The following PTPN3 variants were observed in gnomAD, a reference collection of about 807,000 sequenced individuals.
PTPN3 encodes the protein protein tyrosine phosphatase non-receptor type 3.
Under a neutral mutation model 132.7 loss-of-function variants are expected in PTPN3, and 96 were observed. The ratio of observed to expected loss-of-function variants is 0.72; its 90% CI spans 0.61 to 0.86. The LOEUF is 0.86. Among genes scored for constraint, PTPN3 ranks in the 40% least tolerant of loss-of-function variants. PTPN3 has a pLI of 0.00. For synonymous variants in PTPN3, 398 were observed against 429.0 expected (o/e 0.93, Z 0.89); for missense variants, 1,125 against 1,159.6 (o/e 0.97, Z 0.43).
chr9:109,424,365 T>C (rs559354850), intron 12 of PTPN3, among the ~76,000 whole-genome samples: 2 of 152,290 alleles, frequency 1.3e-5, no homozygotes, highest in Non-Finnish European at 2.9e-5. Flanking sequence ...GCACAGGTAG[T>C]AAAAGAACTG....
In PTPN3 at chr9:109,379,511, G is replaced by A. The variant is rs749387857; in HGVS notation, c.*45C>T. 1.8e-5 allele frequency: 28 copies of A among 1,548,882 alleles called. No individual in the cohort carries two copies. Among genetic ancestry groups the A allele is most frequent in the African/African-American group, 4.1e-5 (3 of 73,366 alleles). ...AGAGAGGTCTGTCCTCCTCTTTCAA[G>A]GAGGATGCCCTTGGGAAAGAGGAAT... On this transcript the variant is annotated 3_prime_UTR_variant, in exon 26 of 26. Transcript: ENST00000374541.
chr9:109,419,452 G>T (rs534819397), intron 14 of PTPN3, among the ~76,000 whole-genome samples: 1 of 152,260 alleles, frequency 6.6e-6, no homozygotes, highest in African/African-American at 2.4e-5. Flanking sequence ...GAAATAGTAT[G>T]GGGCTTAACA....
In PTPN3 at chr9:109,438,181, T is replaced by A. The variant is rs772943029; in HGVS notation, c.520A>T (p.Ser174Cys). 1 of 1,613,500 alleles carries A rather than the reference T, an allele frequency of 6.2e-7. No individual in the cohort carries two copies. The highest frequency in any genetic ancestry group is 1.3e-5 in the African/African-American group (1 of 74,920). ...TCATTTTGATCGGGTATAAAGTGAC[T>A]ATCGGAAAGATAGCCTGGATGATGT... The part of the protein sequence containing the change: ...SIHHPGYLSD[S>C]HFIPDQNEDF... The change falls in exon 8 of 26, where the codon AGT (serine) becomes TGT (cysteine). Residue 174 changes from serine (S) to cysteine (C), a missense_variant. By Grantham distance (112) the Ser-to-Cys change is moderately radical (BLOSUM62 -1). Coordinates refer to ENST00000374541, the MANE Select transcript of PTPN3 (RefSeq NM_002829.4).
At chr9:109,382,647 A>G (rs1839208723) in intron 23 of PTPN3, among the ~76,000 whole-genome samples, 200 bp from the exon 24 acceptor site, 1 of 151,818 alleles carries the variant, frequency 6.6e-6, no homozygotes, top group Non-Finnish European at 1.5e-5. Flanking sequence ...CCTGTCCTGC[A>G]GGGCTGCCTT....
chr9:109,537,875 A>G, the PTPN3 span, among the ~76,000 whole-genome samples: 1 of 152,238 alleles, frequency 6.6e-6, no homozygotes, highest in African/African-American at 2.4e-5. Flanking sequence ...GTTTACACAG[A>G]TATCTGAATG....
chr9:109,386,182 G>C (rs923561083), intron 22 of PTPN3, among the ~76,000 whole-genome samples: 4 of 152,142 alleles, frequency 2.6e-5, no homozygotes, highest in African/African-American at 9.7e-5. Context: ...AAAGGGCTCG[G>C]GTCATCTGGT....
chr9:109,533,774 C>T, the PTPN3 span: 4 of 1,301,168 alleles, frequency 3.1e-6, no homozygotes, highest in African/African-American at 1.5e-5. Context: ...GCTGTAGGGC[C>T]GGCGTGGTTG....
chr9:109,512,349 C>T, the PTPN3 span, among the ~76,000 whole-genome samples: 5 of 152,324 alleles, frequency 3.3e-5, no homozygotes, highest in African/African-American at 4.8e-5. Flanking sequence ...GGCATTTTTG[C>T]TGGCCTAACC....
intron 12 of PTPN3, 118 bp from the exon 13 acceptor site, chr9:109,422,970 G>C (rs759648276): frequency 5.5e-5 from 71 of 1,294,096 alleles, no homozygotes; most frequent in Non-Finnish European, 7.2e-5. Flanking sequence ...TTAATGCCAA[G>C]GTTATGGGGA....
chr9:109,395,191 T>C (rs921503467), intron 19 of PTPN3, among the ~76,000 whole-genome samples: 6 of 149,142 alleles, frequency 4.0e-5, no homozygotes. Context: ...GGGATAGGAG[T>C]CAGGAGACTA....
intron 1 of PTPN3, among the ~76,000 whole-genome samples, chr9:109,479,130 T>C (rs1305402481): frequency 1.3e-5 from 2 of 152,120 alleles, no homozygotes; most frequent in Non-Finnish European, 2.9e-5. Flanking sequence ...TTACCACTAT[T>C]TCCAGAAATT....
chr9:109,498,259 C>T lies in PTPN3; in HGVS notation c.-58G>A, dbSNP rs1392173335. On this transcript the variant is annotated 5_prime_UTR_variant, in exon 1 of 26. Transcript: ENST00000374541. This position sits in a 1 kb window ranked among gnomAD's most constrained non-coding sequence, Gnocchi z 4.2. ...GCGCGGAGCGCCCAGGTAGGTCGCG[C>T]GTGCGGGCGGCGCGGAAGCTCGCTC... 1 of 146,446 alleles carries T rather than the reference C, an allele frequency of 6.8e-6. No homozygotes were observed. Among genetic ancestry groups the T allele is most frequent in the East Asian group, 2.0e-4 (1 of 5,066 alleles). 9.1% of individuals were successfully genotyped at this position (146,446 alleles called of 1,614,324 possible).
the PTPN3 span, among the ~76,000 whole-genome samples, chr9:109,508,862 C>A: frequency 2.0e-5 from 3 of 148,006 alleles, no homozygotes; most frequent in African/African-American, 7.5e-5. Flanking sequence ...GTCCCCCCCC[C>A]ACCCACCAAC....
chr9:109,482,472 A>G (rs1283118517), intron 1 of PTPN3, among the ~76,000 whole-genome samples: 1 of 152,230 alleles, frequency 6.6e-6, no homozygotes, highest in Non-Finnish European at 1.5e-5. Flanking sequence ...TAGTTTTTCT[A>G]TTCTTTCAAC....
intron 1 of PTPN3, among the ~76,000 whole-genome samples, chr9:109,486,559 T>A (rs1847220271): frequency 6.6e-6 from 1 of 152,046 alleles, no homozygotes; most frequent in South Asian, 2.1e-4. Flanking sequence ...GCAGGAAGAC[T>A]ATGTGGAGAG....
chr9:109,444,389 C>T (rs749109154), intron 7 of PTPN3, among the ~76,000 whole-genome samples: 2 of 152,146 alleles, frequency 1.3e-5, no homozygotes, highest in African/African-American at 2.4e-5. Context: ...ATTGAATGAG[C>T]GGATTCCTAC....
chr9:109,453,595 C>T (rs3793526), intron 5 of PTPN3, among the ~76,000 whole-genome samples: 6,018 of 152,214 alleles, frequency 0.04, 338 homozygotes, highest in East Asian at 0.3. Context: ...CAACTCCTAT[C>T]ACAGCCCTCT....
intron 10 of PTPN3, chr9:109,429,037 G>A (rs1198450067): frequency 2.0e-6 from 2 of 985,346 alleles, no homozygotes; most frequent in African/African-American, 3.5e-5. Flanking sequence ...TGGAGCAGCT[G>A]AAAGAGGACA....
intron 9 of PTPN3, among the ~76,000 whole-genome samples, chr9:109,436,428 C>G (rs144067611): frequency 6.6e-6 from 1 of 152,230 alleles, no homozygotes; most frequent in Non-Finnish European, 1.5e-5. Context: ...AAAGTAGCCA[C>G]AACTAATTTC....
Sources: allele counts gnomAD v4.1 joint callset (sites outside exome capture counted in the v4.1 genomes callset), GRCh38; gene constraint gnomAD v4.1.1; non-coding constraint Gnocchi (gnomAD v3.1); transcripts MANE v1.5; gene names NCBI Gene and HGNC (gene_info 2026-07-23, HGNC 2026-07-21).